The following BRINP3 variants were observed in gnomAD, a reference collection of about 807,000 sequenced individuals.
BRINP3 encodes BMP/retinoic acid inducible neural specific 3, also known as BMP/retinoic acid-inducible neural-specific protein 3.
A neutral mutation model predicts 71.0 loss-of-function variants in BRINP3; 19 were observed. That is an observed-to-expected ratio of 0.27 (90% CI 0.19 to 0.39). The LOEUF is 0.39. BRINP3 is among the 10% of genes least tolerant of loss of function. The pLI, the probability that BRINP3 is intolerant of heterozygous loss-of-function variation, is 1.00. For missense variants in BRINP3, 959 were observed against 940.8 expected, an observed-to-expected ratio of 1.02 and a Z score of -0.25; for synonymous variants, 380 against 337.7, an observed-to-expected ratio of 1.13 and a Z score of -1.37.
intron 2 of BRINP3, among the ~76,000 whole-genome samples, chr1:190,337,553 C>T (rs1667371246): frequency 6.6e-6 from 1 of 151,994 alleles, no homozygotes; most frequent in South Asian, 2.1e-4. Context: ...GTGCTGAATG[C>T]TTCCTGCCCT....
intron 2 of BRINP3, among the ~76,000 whole-genome samples, chr1:190,441,583 T>A (rs1163320811): frequency 6.6e-6 from 1 of 152,112 alleles, no homozygotes; most frequent in Non-Finnish European, 1.5e-5. Context: ...TTGTCAGTGA[T>A]GCAAATGAAT....
intron 6 of BRINP3, among the ~76,000 whole-genome samples, chr1:190,216,411 T>G (rs1335786685): frequency 6.6e-6 from 1 of 151,806 alleles, no homozygotes; most frequent in Non-Finnish European, 1.5e-5. Flanking sequence ...CTACCAATAT[T>G]TCTTATTAAA....
chr1:190,417,856 C>T (rs1571999289), intron 2 of BRINP3, among the ~76,000 whole-genome samples: 1 of 152,252 alleles, frequency 6.6e-6, no homozygotes, highest in African/African-American at 2.4e-5. Flanking sequence ...TTTTTAATAA[C>T]TTACAAAAAT....
At chr1:190,319,320 C>T (rs528640038) in intron 2 of BRINP3, among the ~76,000 whole-genome samples, 3 of 152,222 alleles carry the variant, frequency 2.0e-5, no homozygotes, top group South Asian at 4.1e-4. Flanking sequence ...TCACTGGCCT[C>T]ATTTTGGGTT....
intron 2 of BRINP3, among the ~76,000 whole-genome samples, chr1:190,334,441 T>C (rs897157050): frequency 2.0e-5 from 3 of 151,880 alleles, no homozygotes; most frequent in Non-Finnish European, 4.4e-5. Context: ...GCAATTTTTT[T>C]CCATTCTTAT....
chr1:190,380,064 G>T (rs186788175), intron 2 of BRINP3, among the ~76,000 whole-genome samples: 1 of 150,780 alleles, frequency 6.6e-6, no homozygotes, highest in African/African-American at 2.4e-5. Context: ...AGATACAGAT[G>T]TGATCTAACT....
chr1:190,438,313 CA>C (rs1674599017), intron 2 of BRINP3, among the ~76,000 whole-genome samples: 1 of 151,404 alleles, frequency 6.6e-6, no homozygotes, highest in African/African-American at 2.4e-5. Flanking sequence ...AAGATAATCT[CA>C]AATATTATTT....
intron 4 of BRINP3, among the ~76,000 whole-genome samples, chr1:190,261,638 A>AT (rs1571553739): frequency 1.3e-5 from 2 of 152,178 alleles, no homozygotes; most frequent in East Asian, 1.9e-4. Context: ...TGTTTACTTT[A>AT]TTTTTTACCA....
Position 190,160,892 on chromosome 1 carries a change from T to A in BRINP3, c.962-2A>T, listed in dbSNP as rs760332336. The A allele has an allele frequency of 1.3e-6, 2 of 1,581,528 alleles. No homozygotes were observed. Among genetic ancestry groups the A allele is most frequent in the East Asian group, 2.2e-5 (1 of 44,592 alleles). ...TTTTCATAAATAACTTGAATTCATC[T>A]GAAAAATGTCAAAATTCAACACTTT... is the stretch of plus-strand genomic sequence containing the variant. On this transcript the variant is annotated splice_acceptor_variant, in intron 6 of 7. Transcript: ENST00000367462. LOFTEE classifies it high-confidence loss of function.
intron 6 of BRINP3, among the ~76,000 whole-genome samples, chr1:190,188,819 G>A (rs751961650): frequency 1.1e-4 from 16 of 151,672 alleles, no homozygotes; most frequent in Admixed American, 4.6e-4. Flanking sequence ...GGAGTGCAAT[G>A]GCACGATCTC....
At position 190,099,112 on chromosome 1, in the gene BRINP3, G is replaced by C. The variant is rs772531253; in HGVS notation, c.1207C>G (p.Arg403Gly). The C allele has an allele frequency of 6.2e-7, 1 of 1,613,808 alleles. No homozygotes were observed. Among genetic ancestry groups the C allele is most frequent in the East Asian group, 2.2e-5 (1 of 44,856 alleles). Residue 403 changes from arginine (R) to glycine (G), a missense_variant, in exon 8 of 8, where the codon CGC becomes GGC. Physicochemically the swap from Arg to Gly is moderately radical, Grantham distance 125 (BLOSUM62 -2). Coordinates refer to ENST00000367462, the MANE Select transcript of BRINP3 (RefSeq NM_199051.3). ...RQRTSTYWLT[R>G]IQSFLYCNEN... ...TTGCAGTAGAGAAAAGACTGGATGCGAGTAAGCCAGTAGGTTGAGGTTCTA... is the reference window on the plus strand; with the variant it reads ...TTGCAGTAGAGAAAAGACTGGATGCCAGTAAGCCAGTAGGTTGAGGTTCTA...
At chr1:190,366,147 T>C (rs925135894) in intron 2 of BRINP3, among the ~76,000 whole-genome samples, 2 of 152,092 alleles carry the variant, frequency 1.3e-5, no homozygotes, top group African/African-American at 4.8e-5. Flanking sequence ...TAGTCTGTTC[T>C]CATGCTTCTA....
intron 2 of BRINP3, among the ~76,000 whole-genome samples, chr1:190,407,973 T>C (rs1287038594): frequency 6.6e-6 from 1 of 151,614 alleles, no homozygotes; most frequent in Non-Finnish European, 1.5e-5. Context: ...TCCATGACGA[T>C]GTACTTTCTT....
chr1:190,116,302 T>A (rs1653132532), intron 7 of BRINP3, among the ~76,000 whole-genome samples: 1 of 152,100 alleles, frequency 6.6e-6, no homozygotes, highest in Non-Finnish European at 1.5e-5. Flanking sequence ...CAACATCTGC[T>A]TTTAGAACTA....
chr1:190,417,759 T>C (rs1178021734), intron 2 of BRINP3, among the ~76,000 whole-genome samples: 1 of 152,216 alleles, frequency 6.6e-6, no homozygotes, highest in Non-Finnish European at 1.5e-5. Context: ...TATAAGGTAC[T>C]TTCTTCTCCT....
intron 7 of BRINP3, chr1:190,153,934 A>G: frequency 3.7e-6 from 1 of 268,036 alleles, no homozygotes; most frequent in South Asian, 1.4e-4. Flanking sequence ...TGGCTCTAGT[A>G]ATATAACTCA....
chr1:190,173,944 C>T (rs537207952), intron 6 of BRINP3, among the ~76,000 whole-genome samples: 3 of 152,174 alleles, frequency 2.0e-5, no homozygotes, highest in South Asian at 2.1e-4. Context: ...TAGACCTGTC[C>T]TCTGTACACT....
intron 2 of BRINP3, among the ~76,000 whole-genome samples, chr1:190,302,198 G>A (rs1664785387): frequency 6.7e-6 from 1 of 148,474 alleles, no homozygotes; most frequent in South Asian, 2.1e-4. Flanking sequence ...AGTCCACCTT[G>A]GTGTTGCACA....
In BRINP3 at chr1:190,264,982, G is replaced by A; in HGVS notation, c.501C>T (p.Thr167=). 2 of 1,611,574 alleles carry A rather than the reference G, an allele frequency of 1.2e-6. No homozygotes were observed. Among genetic ancestry groups the A allele is most frequent in the Non-Finnish European group, 1.7e-6 (2 of 1,179,124 alleles). ...SKRAEGSDST[T]NSSSVTLETL... is the part of the protein sequence containing the mutation. ...TCTCCAGAGTGACCGAAGAGCTATT[G>A]GTGGTGGAATCACTTCCTTCAGCTC... Residue 167 remains threonine (T), a synonymous_variant, in exon 4 of 8, where the codon ACC becomes ACT. Coordinates refer to ENST00000367462, the MANE Select transcript of BRINP3 (RefSeq NM_199051.3).
Sources: gnomAD v4.1 joint callset for allele counts (sites outside exome capture counted in the v4.1 genomes callset) on GRCh38, gnomAD v4.1.1 for gene constraint, MANE v1.5 for transcripts, NCBI Gene and HGNC (gene_info 2026-07-23, HGNC 2026-07-21) for gene names.